The following HMBOX1 variants were observed in gnomAD, a reference collection of about 807,000 sequenced individuals.
HMBOX1 encodes homeobox containing 1, also known as homeobox-containing protein 1.
Under a neutral mutation model 54.5 loss-of-function variants are expected in HMBOX1, and 14 were observed. The ratio of observed to expected loss-of-function variants is 0.26; its 90% CI spans 0.17 to 0.40. The LOEUF is 0.40. Among genes scored for constraint, HMBOX1 ranks in the 10% least tolerant of loss-of-function variants. The probability of loss-of-function intolerance (pLI) is 1.00; values close to 1 mark genes in which losing one functional copy is unlikely to be tolerated. For synonymous variants in HMBOX1, 160 were observed against 181.0 expected, an observed-to-expected ratio of 0.88 and a Z score of 0.93; for missense variants, 332 against 514.4, an observed-to-expected ratio of 0.65 and a Z score of 3.43.
intron 1 of HMBOX1, among the ~76,000 whole-genome samples, chr8:28,956,675 G>C (rs10108283): frequency 0.99 from 150,201 of 152,330 alleles, 74,064 homozygotes; most frequent in East Asian, 1. Flanking sequence ...ATTTGTGTGT[G>C]CGTTTCTATG....
chr8:28,975,500 A>G (rs1222294145), intron 3 of HMBOX1, among the ~76,000 whole-genome samples: 1 of 152,228 alleles, frequency 6.6e-6, no homozygotes, highest in African/African-American at 2.4e-5. Context: ...AGCAAGTTAT[A>G]AAAATAATGG....
At chr8:28,951,903 C>G (rs1252758564) in intron 1 of HMBOX1, among the ~76,000 whole-genome samples, 1 of 152,064 alleles carries the variant, frequency 6.6e-6, no homozygotes, top group Non-Finnish European at 1.5e-5. Flanking sequence ...CACGGTGGCT[C>G]CCACCTGTAA....
chr8:28,918,546 A>G (rs1173297079), intron 1 of HMBOX1, among the ~76,000 whole-genome samples: 1 of 152,148 alleles, frequency 6.6e-6, no homozygotes, highest in Non-Finnish European at 1.5e-5. Context: ...GAGCTGGTCC[A>G]TTTCATCTGA....
chr8:28,902,025 TACTC>T (rs1378692563), intron 1 of HMBOX1, among the ~76,000 whole-genome samples: 1 of 152,212 alleles, frequency 6.6e-6, no homozygotes, highest in Non-Finnish European at 1.5e-5. Flanking sequence ...TGCATTTACA[TACTC>T]AATCATTATT....
intron 1 of HMBOX1, among the ~76,000 whole-genome samples, chr8:28,910,701 C>T (rs766021130): frequency 6.6e-6 from 1 of 152,120 alleles, no homozygotes; most frequent in Non-Finnish European, 1.5e-5. Flanking sequence ...GGTATTTGCT[C>T]ATCTTATAGT....
intron 4 of HMBOX1, among the ~76,000 whole-genome samples, chr8:28,993,609 A>AT (rs1831317126): frequency 6.6e-6 from 1 of 152,168 alleles, no homozygotes; most frequent in African/African-American, 2.4e-5. Flanking sequence ...AAGATGACTT[A>AT]TTTTTGTTCC....
chr8:29,028,573 CT>C (rs33948262), intron 6 of HMBOX1, among the ~76,000 whole-genome samples: 2,960 of 152,222 alleles, frequency 0.019, 94 homozygotes, highest in African/African-American at 0.068. Flanking sequence ...AAGGTTAAGA[CT>C]AACAGTTCCA....
intron 5 of HMBOX1, among the ~76,000 whole-genome samples, chr8:29,016,242 TATG>T: frequency 1.3e-5 from 2 of 152,322 alleles, no homozygotes; most frequent in East Asian, 3.9e-4. Flanking sequence ...TAGCAATTGC[TATG>T]ATTTCTCTGC....
intron 4 of HMBOX1, among the ~76,000 whole-genome samples, chr8:28,990,640 G>GT (rs1167447111): frequency 2.6e-5 from 4 of 151,718 alleles, no homozygotes; most frequent in Admixed American, 6.6e-5. Flanking sequence ...TTTTTGTTTT[G>GT]TTTTTTGTTT....
At chr8:28,905,358 C>A (rs1288158700) in intron 1 of HMBOX1, among the ~76,000 whole-genome samples, 1 of 149,906 alleles carries the variant, frequency 6.7e-6, no homozygotes, top group South Asian at 2.1e-4. Flanking sequence ...CACGCACGCA[C>A]ACACACACAC....
chr8:28,966,660 T>C (rs967997833), intron 2 of HMBOX1, among the ~76,000 whole-genome samples: 30 of 152,278 alleles, frequency 2.0e-4, no homozygotes, highest in African/African-American at 7.0e-4. Flanking sequence ...TTAATACACA[T>C]TGGAACATTA....
chr8:28,985,726 G>T (rs1005283579), intron 4 of HMBOX1, among the ~76,000 whole-genome samples: 3 of 152,026 alleles, frequency 2.0e-5, no homozygotes, highest in South Asian at 2.1e-4. Flanking sequence ...CAAAGGTAAA[G>T]AATTAAGTTC....
At chr8:28,945,613 T>A (rs1222137700) in intron 1 of HMBOX1, among the ~76,000 whole-genome samples, 1 of 152,174 alleles carries the variant, frequency 6.6e-6, no homozygotes, top group African/African-American at 2.4e-5. Context: ...TAGTGTAGGA[T>A]TTTTGTATTT....
At chr8:29,026,392 G>C (rs1359512433) in intron 6 of HMBOX1, among the ~76,000 whole-genome samples, 1 of 152,088 alleles carries the variant, frequency 6.6e-6, no homozygotes, top group Non-Finnish European at 1.5e-5. Context: ...TGATGGCTAA[G>C]GGGTATGTGT....
chr8:29,032,271 G>A (rs1803103481), intron 6 of HMBOX1, among the ~76,000 whole-genome samples: 1 of 151,640 alleles, frequency 6.6e-6, no homozygotes, highest in South Asian at 2.1e-4. Flanking sequence ...AAACTTTTTT[G>A]GGGGTGGGAG....
chr8:28,973,826 T>TG (rs1827920852), intron 3 of HMBOX1, among the ~76,000 whole-genome samples: 1 of 67,396 alleles, frequency 1.5e-5, no homozygotes, highest in Non-Finnish European at 3.3e-5. Flanking sequence ...TTTTTTTTTT[T>TG]TTTTTTTTGA....
At chr8:28,973,614 G>T (rs962903821) in intron 3 of HMBOX1, among the ~76,000 whole-genome samples, 1 of 151,956 alleles carries the variant, frequency 6.6e-6, no homozygotes, top group African/African-American at 2.4e-5. Context: ...ATGATAGCCC[G>T]TTGGAAGTGG....
chr8:29,001,355 G>A (rs1832610872), intron 4 of HMBOX1, among the ~76,000 whole-genome samples: 1 of 152,188 alleles, frequency 6.6e-6, no homozygotes, highest in Non-Finnish European at 1.5e-5. Context: ...TTCAAGATCA[G>A]CCTGGCCAAT....
chr8:28,891,799 A>C (rs1220508736), intron 1 of HMBOX1: 1 of 152,290 alleles, frequency 6.6e-6, no homozygotes, highest in African/African-American at 2.4e-5. Context: ...GGGTGAGTAA[A>C]GGGAAGAATG....
Sources: allele counts gnomAD v4.1 joint callset (sites outside exome capture counted in the v4.1 genomes callset), GRCh38; gene constraint gnomAD v4.1.1; transcripts MANE v1.5; gene names NCBI Gene and HGNC (gene_info 2026-07-23, HGNC 2026-07-21).